The following PCDHA5 variants were observed in gnomAD, a reference collection of about 807,000 sequenced individuals.
PCDHA5 encodes protocadherin alpha-5.
In PCDHA5, 43 loss-of-function variants were observed where a neutral mutation model predicts 61.6. The observed-to-expected ratio is 0.70, with a 90% CI of 0.55 to 0.90. PCDHA5 has a LOEUF of 0.90. Among genes scored for constraint, PCDHA5 ranks in the 40% least tolerant of loss-of-function variants. The pLI, the probability that PCDHA5 is intolerant of heterozygous loss-of-function variation, is 0.00. For missense variants in PCDHA5, 1,298 were observed against 1,222.7 expected, an observed-to-expected ratio of 1.06 and a Z score of -0.92; for synonymous variants, 627 against 543.9, an observed-to-expected ratio of 1.15 and a Z score of -2.13.
intron 1 of PCDHA5, among the ~76,000 whole-genome samples, chr5:140,837,921 C>T (rs1775313759): frequency 6.6e-6 from 1 of 151,734 alleles, no homozygotes; most frequent in Admixed American, 6.6e-5. Flanking sequence ...TCAAGCGATC[C>T]TCCTACCTTG....
At chr5:140,967,236 T>C (rs142898054) in intron 1 of PCDHA5, 53 of 1,613,562 alleles carry the variant, frequency 3.3e-5, no homozygotes, top group Non-Finnish European at 4.2e-5. Context: ...CAGCTTCAGG[T>C]AAGCGAATCG....
intron 1 of PCDHA5, chr5:140,926,516 G>C: frequency 5.0e-6 from 1 of 198,082 alleles, no homozygotes; most frequent in Non-Finnish European, 1.0e-5. Context: ...CCCAGGCTCC[G>C]CCCTGCGCCC....
intron 1 of PCDHA5, chr5:140,876,994 G>C (rs375771604): frequency 3.7e-6 from 6 of 1,612,620 alleles, no homozygotes; most frequent in South Asian, 1.1e-5. Context: ...GTCGAGCTAC[G>C]TGTCGGTGCA....
At chr5:140,865,398 G>T (rs1554159421) in intron 1 of PCDHA5, 1 of 152,138 alleles carries the variant, frequency 6.6e-6, no homozygotes, top group African/African-American at 2.4e-5. Flanking sequence ...TAATATAAAT[G>T]CTGAAAAGGA....
chr5:140,854,800 A>G (rs1032685213), intron 1 of PCDHA5: 4 of 149,738 alleles, frequency 2.7e-5, no homozygotes, highest in African/African-American at 9.8e-5. Flanking sequence ...GAGAGAAAAA[A>G]ATATTTTTAC....
intron 1 of PCDHA5, chr5:140,851,252 G>A: frequency 9.2e-7 from 1 of 1,089,164 alleles, no homozygotes; most frequent in Non-Finnish European, 1.2e-6. Flanking sequence ...ATGATGCATA[G>A]TATTTTAGTC....
chr5:140,954,845 C>G (rs1479368081), intron 1 of PCDHA5, among the ~76,000 whole-genome samples: 2 of 152,140 alleles, frequency 1.3e-5, no homozygotes, highest in African/African-American at 2.4e-5. Flanking sequence ...AAATCTTTGC[C>G]TGTGCCTATG....
chr5:140,853,347 T>A, intron 1 of PCDHA5: 1 of 983,892 alleles, frequency 1.0e-6, no homozygotes. Context: ...TTAGCAAACA[T>A]GAACTCACAG....
intron 3 of PCDHA5, among the ~76,000 whole-genome samples, chr5:140,994,021 G>A (rs1160447092): frequency 6.6e-6 from 1 of 152,140 alleles, no homozygotes; most frequent in Non-Finnish European, 1.5e-5. Context: ...AGGTGATGCA[G>A]ATATAATATT....
intron 1 of PCDHA5, chr5:140,836,577 T>G (rs1283554877): frequency 1.2e-6 from 2 of 1,613,536 alleles, no homozygotes; most frequent in Non-Finnish European, 1.7e-6. Flanking sequence ...TGAGGGCGCA[T>G]GTAGTTTGGT....
chr5:140,830,154 G>T (rs2150182095), intron 1 of PCDHA5: 1 of 1,613,332 alleles, frequency 6.2e-7, no homozygotes, highest in South Asian at 1.1e-5. Flanking sequence ...GGCGCCGCGG[G>T]CCCAGAGGCG....
At chr5:140,863,510 T>G (rs782817870) in intron 1 of PCDHA5, 4 of 411,506 alleles carry the variant, frequency 9.7e-6, no homozygotes, top group Admixed American at 3.0e-5. Context: ...TTAGTCCTAG[T>G]GTTCTCCCAT....
chr5:140,846,555 T>C (rs1780556402), intron 1 of PCDHA5, among the ~76,000 whole-genome samples: 1 of 148,312 alleles, frequency 6.7e-6, no homozygotes, highest in Non-Finnish European at 1.5e-5. Flanking sequence ...TTTGTATTTT[T>C]AGTAGAGTCG....
intron 1 of PCDHA5, chr5:140,828,856 A>G (rs2150159802): frequency 6.2e-7 from 1 of 1,614,138 alleles, no homozygotes; most frequent in Non-Finnish European, 8.5e-7. Flanking sequence ...TCGAAAATGC[A>G]GACAACGGAA....
intron 1 of PCDHA5, chr5:140,854,159 CAA>C (rs59855104): frequency 4.1e-3 from 1,382 of 339,958 alleles, no homozygotes; most frequent in Non-Finnish European, 4.7e-3. Flanking sequence ...GATTCTGTCT[CAA>C]AAAAAAAAAA....
intron 1 of PCDHA5, among the ~76,000 whole-genome samples, chr5:140,833,387 A>G (rs1772434937): frequency 6.6e-6 from 1 of 152,198 alleles, no homozygotes; most frequent in African/African-American, 2.4e-5. Flanking sequence ...AGGATGAAAT[A>G]CCTCAAGACT....
intron 3 of PCDHA5, among the ~76,000 whole-genome samples, chr5:140,996,816 A>G (rs1587722851): frequency 6.6e-6 from 1 of 152,264 alleles, no homozygotes; most frequent in Non-Finnish European, 1.5e-5. Flanking sequence ...TTCCAAAAGT[A>G]ACCACTACCA....
intron 2 of PCDHA5, among the ~76,000 whole-genome samples, chr5:140,979,595 A>G (rs1261298748): frequency 1.3e-5 from 2 of 152,212 alleles, no homozygotes; most frequent in African/African-American, 4.8e-5. Context: ...GCTTACTTTA[A>G]ATTAACCTAG....
At chr5:140,883,719 C>T in intron 1 of PCDHA5, 1 of 1,613,598 alleles carries the variant, frequency 6.2e-7, no homozygotes, top group Non-Finnish European at 8.5e-7. Context: ...GACGCGGACG[C>T]ACAGGAGAAC....
Sources: gnomAD v4.1 joint callset for allele counts (sites outside exome capture counted in the v4.1 genomes callset) on GRCh38, gnomAD v4.1.1 for gene constraint, MANE v1.5 for transcripts, NCBI Gene and HGNC (gene_info 2026-07-23, HGNC 2026-07-21) for gene names.